Variants in NRG1 observed in about 807,000 individuals in gnomAD.
NRG1 encodes the protein neuregulin 1, also known as pro-neuregulin-1, membrane-bound isoform.
In NRG1, 18 loss-of-function variants were observed where a neutral mutation model predicts 63.8. The observed-to-expected ratio is 0.28, with a 90% CI of 0.19 to 0.42. The LOEUF is 0.42. Ranked by LOEUF, NRG1 falls within the 10% of genes least tolerant of loss-of-function variation. NRG1 has a pLI of 1.00. For missense variants in NRG1, 762 were observed against 814.7 expected (o/e 0.94, Z 0.79); for synonymous variants, 302 against 301.3 (o/e 1.00, Z -0.02).
intron 1 of NRG1, among the ~76,000 whole-genome samples, chr8:32,492,650 C>T (rs190879422): frequency 1.6e-3 from 251 of 152,142 alleles, no homozygotes; most frequent in Non-Finnish European, 2.8e-3. Flanking sequence ...AGAAAGAGTA[C>T]GAACCCAAGA....
intron 1 of NRG1, among the ~76,000 whole-genome samples, chr8:31,823,881 C>T (rs1423945509): frequency 1.3e-5 from 2 of 152,144 alleles, no homozygotes; most frequent in African/African-American, 4.8e-5. Context: ...AATTTAAAGA[C>T]ATACAACCTA....
At chr8:31,949,545 A>G (rs1321641414) in intron 1 of NRG1, among the ~76,000 whole-genome samples, 1 of 152,178 alleles carries the variant, frequency 6.6e-6, no homozygotes, top group East Asian at 1.9e-4. Context: ...TTCTGGAAAC[A>G]GTATCTTCTC....
At chr8:32,288,620 C>A (rs1272533502) in intron 1 of NRG1, among the ~76,000 whole-genome samples, 1 of 152,106 alleles carries the variant, frequency 6.6e-6, no homozygotes, top group East Asian at 1.9e-4. Context: ...TACATCTTGC[C>A]ACTCATGCTC....
intron 1 of NRG1, among the ~76,000 whole-genome samples, chr8:32,451,645 A>T (rs1820958384): frequency 6.6e-6 from 1 of 152,170 alleles, no homozygotes; most frequent in South Asian, 2.1e-4. Flanking sequence ...TGAGTTGCTG[A>T]TAGCAACTCT....
chr8:32,128,899 T>C (rs185856610), intron 1 of NRG1, among the ~76,000 whole-genome samples: 1 of 152,030 alleles, frequency 6.6e-6, no homozygotes, highest in East Asian at 1.9e-4. Flanking sequence ...TTTTCAGAGC[T>C]TGGCCATGTG....
chr8:31,961,393 A>G (rs952993808), intron 1 of NRG1, among the ~76,000 whole-genome samples: 3 of 152,208 alleles, frequency 2.0e-5, no homozygotes, highest in African/African-American at 7.2e-5. Context: ...GTTCAAGTGA[A>G]TACAACATCT....
intron 1 of NRG1, among the ~76,000 whole-genome samples, chr8:32,025,289 GA>G (rs928965139): frequency 6.7e-5 from 10 of 150,220 alleles, no homozygotes; most frequent in East Asian, 1.9e-4. Context: ...AAACTAGTAA[GA>G]AAAAAAAAGT....
intron 1 of NRG1, among the ~76,000 whole-genome samples, chr8:31,984,647 A>G (rs1338400121): frequency 6.6e-6 from 1 of 152,080 alleles, no homozygotes; most frequent in Non-Finnish European, 1.5e-5. Context: ...TGCAATGCCA[A>G]CACTTATTGG....
intron 1 of NRG1, among the ~76,000 whole-genome samples, chr8:32,035,063 G>T (rs1006070780): frequency 6.6e-6 from 1 of 151,996 alleles, no homozygotes; most frequent in African/African-American, 2.4e-5. Flanking sequence ...GATTTTTCTA[G>T]CTTTTCAATG....
At chr8:32,436,949 C>T (rs1208823691) in intron 1 of NRG1, among the ~76,000 whole-genome samples, 1 of 151,996 alleles carries the variant, frequency 6.6e-6, no homozygotes, top group Non-Finnish European at 1.5e-5. Flanking sequence ...CTATGCCATA[C>T]TCAGCACCAA....
At chr8:32,436,566 C>T (rs1366447705) in intron 1 of NRG1, among the ~76,000 whole-genome samples, 1 of 152,166 alleles carries the variant, frequency 6.6e-6, no homozygotes, top group Non-Finnish European at 1.5e-5. Context: ...ACTTCATCTT[C>T]AATTGCTAAA....
At position 32,473,545 on chromosome 8, in the gene NRG1, C is replaced by A. The variant is rs16879453; in HGVS notation, c.38-122283C>A. On this transcript the variant is annotated intron_variant, in intron 1 of 10. Transcript: ENST00000519301. ...TCAGTCTTTTATTCTCTAATTCCAT[C>A]CTGGTTTCTAGACCAAATATACCTA... Among the ~76,000 whole-genome samples the A allele has an allele frequency of 9.2e-3, 1,397 of 152,268 alleles. 20 individuals carry two copies. Among genetic ancestry groups the A allele is most frequent in the African/African-American group, 0.033 (1,360 of 41,538 alleles).
chr8:32,754,144 TATA>T (rs1192734187), intron 7 of NRG1, among the ~76,000 whole-genome samples: 2 of 152,206 alleles, frequency 1.3e-5, no homozygotes, highest in Non-Finnish European at 2.9e-5. Context: ...AATTTCTGAG[TATA>T]ATATTTGTAT....
At chr8:31,749,572 T>C (rs1816236429) in intron 1 of NRG1, among the ~76,000 whole-genome samples, 1 of 151,868 alleles carries the variant, frequency 6.6e-6, no homozygotes, top group African/African-American at 2.4e-5. Flanking sequence ...ACACAAATTT[T>C]ATCTTTCTTA....
At chr8:31,850,755 G>A (rs768029773) in intron 1 of NRG1, among the ~76,000 whole-genome samples, 2 of 152,072 alleles carry the variant, frequency 1.3e-5, no homozygotes, top group Non-Finnish European at 2.9e-5. Context: ...TTCCTTCCAG[G>A]TTCATTGCCA....
Position 32,588,095 on chromosome 8 carries a change from T to A in NRG1, c.101-7733T>A, listed in dbSNP as rs1006891982. 1.5e-4 allele frequency among the ~76,000 whole-genome samples: 23 copies of A among 152,212 alleles called. 1 individual carries two copies. The highest frequency in any genetic ancestry group is 5.5e-4 in the African/African-American group (23 of 41,534). ...TGCCACAATGCTTGGCTAATTTTTG[T>A]ATTTTTAGTAGAGATGGCGTTTCAC... On this transcript the variant is annotated intron_variant, in intron 1 of 11. Transcript: ENST00000356819.
chr8:32,283,239 T>A (rs1245157157), intron 1 of NRG1, among the ~76,000 whole-genome samples: 1 of 152,222 alleles, frequency 6.6e-6, no homozygotes, highest in Non-Finnish European at 1.5e-5. Flanking sequence ...TTTAAAGATG[T>A]TTAGGCTCTT....
chr8:32,385,489 T>A (rs1587270323), intron 1 of NRG1, among the ~76,000 whole-genome samples: 1 of 152,192 alleles, frequency 6.6e-6, no homozygotes, highest in African/African-American at 2.4e-5. Context: ...TTCTGCAGGC[T>A]GTATAGGAAG....
chr8:32,000,243 A>C (rs1812699663), intron 1 of NRG1, among the ~76,000 whole-genome samples: 1 of 152,008 alleles, frequency 6.6e-6, no homozygotes, highest in African/African-American at 2.4e-5. Flanking sequence ...TTTAGGTTAC[A>C]GTAACTGAAC....
Sources: allele counts gnomAD v4.1 joint callset (sites outside exome capture counted in the v4.1 genomes callset), GRCh38; gene constraint gnomAD v4.1.1; transcripts MANE v1.5; gene names NCBI Gene and HGNC (gene_info 2026-07-23, HGNC 2026-07-21).